UHRF2: variants seen among roughly 807,000 people sequenced by gnomAD.
UHRF2 encodes the protein ubiquitin like with PHD and ring finger domains 2, also known as E3 ubiquitin-protein ligase UHRF2.
In UHRF2, 23 loss-of-function variants were observed where a neutral mutation model predicts 96.8. The ratio of observed to expected loss-of-function variants is 0.24; its 90% CI spans 0.17 to 0.34. UHRF2 has a LOEUF of 0.34. UHRF2 is among the 10% of genes least tolerant of loss of function. The probability of loss-of-function intolerance (pLI) is 1.00; values close to 1 mark genes in which losing one functional copy is unlikely to be tolerated. For synonymous variants in UHRF2, 385 were observed against 332.6 expected (o/e 1.16, Z -1.72); for missense variants, 685 against 981.5 (o/e 0.70, Z 4.04).
chr9:6,442,335 A>G lies in UHRF2; in HGVS notation c.644+8162A>G, dbSNP rs138303091. On this transcript the variant is annotated intron_variant, in intron 3 of 15. Transcript: ENST00000276893. ...GATGTCAGATTCTTCCCTGATTGTA[A>G]AATGCTTTTCCTTGAAATGTTTCCA... 5.9e-4 allele frequency among the ~76,000 whole-genome samples: 90 copies of G among 152,330 alleles called. 1 individual carries two copies. Among genetic ancestry groups the G allele is most frequent in the African/African-American group, 2.1e-3 (89 of 41,572 alleles).
At chr9:6,431,478 C>T (rs56270454) in intron 2 of UHRF2, among the ~76,000 whole-genome samples, 3,491 of 152,102 alleles carry the variant, frequency 0.023, 143 homozygotes, top group African/African-American at 0.077. Context: ...GTGGCATATA[C>T]CTGTAGTCCT....
intron 3 of UHRF2, among the ~76,000 whole-genome samples, chr9:6,459,308 G>A (rs534792922): frequency 1.3e-5 from 2 of 152,290 alleles, no homozygotes; most frequent in Admixed American, 6.5e-5. Flanking sequence ...TATAAGTACT[G>A]CAAAATGGCA....
At chr9:6,498,297 G>GA (rs750293258) in intron 12 of UHRF2, 139 bp downstream of exon 12, 3 of 920,072 alleles carry the variant, frequency 3.3e-6, no homozygotes, top group Non-Finnish European at 4.6e-6. Flanking sequence ...CATGCAAATA[G>GA]ACAGAGGAAA....
intron 3 of UHRF2, among the ~76,000 whole-genome samples, chr9:6,452,486 G>T (rs936916289): frequency 1.3e-5 from 2 of 152,202 alleles, no homozygotes; most frequent in African/African-American, 4.8e-5. Flanking sequence ...AAGTAGGTCT[G>T]TGTCTTAGAA....
chr9:6,479,311 G>C (rs547679192), intron 6 of UHRF2, among the ~76,000 whole-genome samples: 1 of 152,120 alleles, frequency 6.6e-6, no homozygotes. Context: ...CTAAGGGTCA[G>C]TTCTCATTCC....
intron 6 of UHRF2, among the ~76,000 whole-genome samples, chr9:6,481,225 C>A (rs941612923): frequency 6.6e-6 from 1 of 152,102 alleles, no homozygotes; most frequent in Non-Finnish European, 1.5e-5. Flanking sequence ...TATAAACTAC[C>A]ATTTTTCTCT....
chr9:6,469,761 C>T, intron 4 of UHRF2, among the ~76,000 whole-genome samples: 1 of 144,816 alleles, frequency 6.9e-6, no homozygotes, highest in African/African-American at 2.7e-5. Context: ...TATATATACA[C>T]ACGTATATAT....
intron 4 of UHRF2, chr9:6,468,618 T>C (rs1823024433): frequency 2.2e-6 from 1 of 455,904 alleles, no homozygotes; most frequent in Non-Finnish European, 4.4e-6. Flanking sequence ...TTGGCAGATA[T>C]TTGGGATGCC....
At chr9:6,433,670 G>A (rs186881839) in intron 2 of UHRF2, among the ~76,000 whole-genome samples, 10 of 152,272 alleles carry the variant, frequency 6.6e-5, no homozygotes, top group South Asian at 2.1e-4. Flanking sequence ...TCAGTAAGGC[G>A]TAAAGAAAAC....
chr9:6,487,113 C>G (rs1217252333), intron 9 of UHRF2, among the ~76,000 whole-genome samples, 188 bp downstream of exon 9: 3 of 144,890 alleles, frequency 2.1e-5, no homozygotes, highest in Non-Finnish European at 4.5e-5. Context: ...ACTGGTTTGA[C>G]TTATATGTGT....
intron 9 of UHRF2, among the ~76,000 whole-genome samples, chr9:6,488,308 T>G (rs1431288661): frequency 1.0e-4 from 9 of 88,282 alleles, no homozygotes; most frequent in South Asian, 7.4e-4. Flanking sequence ...AAAAAAAAAA[T>G]GCGGGAAGGG....
At chr9:6,488,951 T>A (rs1056131836) in intron 9 of UHRF2, among the ~76,000 whole-genome samples, 1 of 152,064 alleles carries the variant, frequency 6.6e-6, no homozygotes, top group Non-Finnish European at 1.5e-5. Context: ...TAGCTGGGAC[T>A]ACAGGCATGC....
chr9:6,456,425 G>A (rs1282249393), intron 3 of UHRF2, among the ~76,000 whole-genome samples: 1 of 152,124 alleles, frequency 6.6e-6, no homozygotes, highest in African/African-American at 2.4e-5. Context: ...GTAGATTCTG[G>A]ATATTAGCCC....
chr9:6,457,083 A>G (rs994641480), intron 3 of UHRF2, among the ~76,000 whole-genome samples: 10 of 152,304 alleles, frequency 6.6e-5, no homozygotes, highest in Middle Eastern at 3.4e-3. Context: ...CATTGAATCT[A>G]TAAATTACTT....
At position 6,471,070 on chromosome 9, in the gene UHRF2, A is replaced by C. The variant is rs546873182; in HGVS notation, c.864-4321A>C. On this transcript the variant is annotated intron_variant, in intron 4 of 15. Coordinates refer to ENST00000276893, the MANE Select transcript of UHRF2 (RefSeq NM_152896.3). ...AGTTGAAAAGAGGTGGATGGTTGGG[A>C]TTGTAAGAAGATGACAACAGCAAAG... Among the ~76,000 whole-genome samples, 7 of 152,350 alleles carry C rather than the reference A, an allele frequency of 4.6e-5. No individual in the cohort carries two copies. The East Asian group carries it at 1.2e-3, about 25-fold the overall frequency.
intron 2 of UHRF2, among the ~76,000 whole-genome samples, chr9:6,423,629 T>G (rs1393333063): frequency 6.9e-6 from 1 of 145,238 alleles, no homozygotes; most frequent in Non-Finnish European, 1.5e-5. Context: ...TTTGAGTCAT[T>G]AGTGATTTTT....
intron 4 of UHRF2, chr9:6,468,855 A>G (rs1823041576): frequency 2.7e-6 from 1 of 364,410 alleles, no homozygotes; most frequent in South Asian, 2.1e-5. Flanking sequence ...TAAAGACTGT[A>G]AACCAGCCTT....
intron 8 of UHRF2, among the ~76,000 whole-genome samples, chr9:6,486,563 G>A (rs926085064): frequency 1.4e-4 from 21 of 152,128 alleles, no homozygotes; most frequent in African/African-American, 3.4e-4. Context: ...AGAATTCTAC[G>A]CAATCAGTTT....
chr9:6,427,758 A>C (rs1242935959), intron 2 of UHRF2, among the ~76,000 whole-genome samples: 1 of 152,214 alleles, frequency 6.6e-6, no homozygotes, highest in Non-Finnish European at 1.5e-5. Flanking sequence ...TAACTGAGCA[A>C]TATTTAACCA....
Sources: gnomAD v4.1 joint callset for allele counts (sites outside exome capture counted in the v4.1 genomes callset) on GRCh38, gnomAD v4.1.1 for gene constraint, MANE v1.5 for transcripts, NCBI Gene and HGNC (gene_info 2026-07-23, HGNC 2026-07-21) for gene names.